The following NUP210 variants were observed in gnomAD, a reference collection of about 807,000 sequenced individuals.
NUP210 encodes the protein nuclear pore membrane glycoprotein 210.
In NUP210, 151 loss-of-function variants were observed where a neutral mutation model predicts 196.0. The observed-to-expected ratio is 0.77, with a 90% CI of 0.67 to 0.88. The LOEUF (loss-of-function observed/expected upper bound fraction) is 0.88, where lower values mean the gene tolerates loss of function less well. Among genes scored for constraint, NUP210 ranks in the 40% least tolerant of loss-of-function variants. The probability of loss-of-function intolerance (pLI) is 0.00; values close to 1 mark genes in which losing one functional copy is unlikely to be tolerated. For missense variants in NUP210, 2,314 were observed against 2,493.7 expected (o/e 0.93, Z 1.53); for synonymous variants, 1,070 against 1,052.7 (o/e 1.02, Z -0.32).
intron 1 of NUP210, among the ~76,000 whole-genome samples, chr3:13,410,440 A>C (rs1700130757): frequency 6.6e-6 from 1 of 151,386 alleles, no homozygotes; most frequent in African/African-American, 2.4e-5. Flanking sequence ...GGCCTCCCAA[A>C]GTGCTGGGAT....
At chr3:13,416,380 T>G (rs1013866300) in intron 1 of NUP210, among the ~76,000 whole-genome samples, 5 of 151,900 alleles carry the variant, frequency 3.3e-5, no homozygotes, top group African/African-American at 9.7e-5. Context: ...CAAAACAGAG[T>G]GTCTCCGCCA....
chr3:13,402,286 C>T lies in NUP210; in HGVS notation c.168-2425G>A, dbSNP rs117886522. 1.3e-3 allele frequency among the ~76,000 whole-genome samples: 193 copies of T among 152,102 alleles called. 2 individuals are homozygous for T. In the East Asian group the frequency reaches 0.031, roughly 25 times the overall value. ...GGGGAAAAGAGAATTCATCATTTCCCACTCCTGCCTTTAAAAACACTGTGG... is the reference window on the plus strand; with the variant it reads ...GGGGAAAAGAGAATTCATCATTTCCTACTCCTGCCTTTAAAAACACTGTGG... On this transcript the variant is annotated intron_variant, in intron 1 of 39. Coordinates refer to ENST00000254508, the MANE Select transcript of NUP210 (RefSeq NM_024923.4).
chr3:13,371,797 C>G, intron 13 of NUP210, 37 bp downstream of exon 13: 3 of 1,558,186 alleles, frequency 1.9e-6, no homozygotes, highest in Non-Finnish European at 2.6e-6. Flanking sequence ...TGGCCCCAAT[C>G]CCAGTATCTG....
intron 4 of NUP210, among the ~76,000 whole-genome samples, chr3:13,389,466 A>G (rs1016374235): frequency 2.0e-5 from 3 of 152,188 alleles, no homozygotes; most frequent in African/African-American, 7.2e-5. Context: ...GCTGAGGCTC[A>G]GGTGGGTAAC....
intron 30 of NUP210, among the ~76,000 whole-genome samples, chr3:13,329,465 C>T (rs1026438714): frequency 6.6e-5 from 10 of 152,208 alleles, no homozygotes; most frequent in Non-Finnish European, 1.2e-4. Context: ...TCTATCCTCG[C>T]TCAAAAGCTA....
rs1470994518 is a variant in NUP210, at chr3:13,350,818, G to C, written c.2835+1061C>G. Among the ~76,000 whole-genome samples, 1 of 149,570 alleles carries C rather than the reference G, an allele frequency of 6.7e-6. No homozygotes were observed. The highest frequency in any genetic ancestry group is 2.0e-4 in the East Asian group (1 of 5,090). The stretch of plus-strand genomic sequence containing the variant: ...ACGCCATCTCCTGCCTCAGCCTCCC[G>C]AGTAGCTGGGAATACAGGCGCCCGC... On this transcript the variant is annotated intron_variant, in intron 20 of 39. Coordinates refer to ENST00000254508, the MANE Select transcript of NUP210 (RefSeq NM_024923.4). This position sits in a 1 kb window ranked among gnomAD's most constrained non-coding sequence, Gnocchi z 4.1.
In NUP210 at chr3:13,394,411, G is replaced by A. The variant is rs375836837; in HGVS notation, c.436+2946C>T. On this transcript the variant is annotated intron_variant, in intron 3 of 39. Coordinates refer to ENST00000254508, the MANE Select transcript of NUP210 (RefSeq NM_024923.4). ...ATGTGCAACAGACAGAGCCCTGTCT[G>A]GAGGCGGGCACTCTGCAGGTGGCTT... Among the ~76,000 whole-genome samples the A allele has an allele frequency of 2.8e-4, 42 of 152,370 alleles. 4 individuals are homozygous for A. The highest frequency in any genetic ancestry group is 2.3e-3 in the South Asian group (11 of 4,834).
At chr3:13,366,970 CA>C (rs1176737788) in intron 13 of NUP210, among the ~76,000 whole-genome samples, 1 of 144,544 alleles carries the variant, frequency 6.9e-6, no homozygotes, top group African/African-American at 2.6e-5. Flanking sequence ...ACTAAAAATA[CA>C]AAAAATTAGC....
chr3:13,403,031 A>C (rs543931600), intron 1 of NUP210, among the ~76,000 whole-genome samples: 60 of 152,300 alleles, frequency 3.9e-4, no homozygotes, highest in Non-Finnish European at 7.6e-4. Context: ...CACTGCCCTA[A>C]AAGTCCCCTG....
chr3:13,375,962 G>T (rs1296745266), intron 10 of NUP210, among the ~76,000 whole-genome samples: 1 of 152,226 alleles, frequency 6.6e-6, no homozygotes, highest in Non-Finnish European at 1.5e-5. Context: ...GAGCTGAGGA[G>T]GCCGACTCTG....
chr3:13,418,850 G>A (rs1006771339), intron 1 of NUP210, among the ~76,000 whole-genome samples: 5 of 150,052 alleles, frequency 3.3e-5, no homozygotes, highest in Admixed American at 6.7e-5. Context: ...TCCCAGCTAC[G>A]AGGCGGGAGA....
At chr3:13,335,683 A>G in intron 27 of NUP210, 71 bp from the exon 28 acceptor site, 2 of 1,547,026 alleles carry the variant, frequency 1.3e-6, no homozygotes. Context: ...GCAGAGCCGG[A>G]CAGTAGCCCC....
In NUP210 at chr3:13,391,217, G is replaced by A. The variant is rs780331826; in HGVS notation, c.527C>T (p.Ala176Val). ...EADRFSDSHN[A>V]LRILTFLEST... is the part of the protein sequence containing the mutation. ...TAGCAGAGGCACCCCTTACCGCAGC[G>A]CATTGTGGGAGTCTGAGAACCTGTC... Residue 176 changes from alanine to valine, a missense_variant, in exon 4 of 40, where the codon GCG becomes GTG. Physicochemically the swap from Ala to Val is moderately conservative, Grantham distance 64. Transcript: ENST00000254508. 8.7e-6 allele frequency: 14 copies of A among 1,610,666 alleles called. No individual in the cohort carries two copies. The highest frequency in any genetic ancestry group is 2.2e-5 in the East Asian group (1 of 44,754).
At chr3:13,354,363 GAGGCATT>G (rs1698094468) in intron 16 of NUP210, 1 of 517,040 alleles carries the variant, frequency 1.9e-6, no homozygotes, top group Non-Finnish European at 3.5e-6. Flanking sequence ...AGCAACACTG[GAGGCATT>G]TCTGGCTGTC....
chr3:13,331,117 G>A (rs1039971793), intron 29 of NUP210, among the ~76,000 whole-genome samples: 2 of 152,020 alleles, frequency 1.3e-5, no homozygotes, highest in African/African-American at 4.8e-5. Context: ...CTCTTCTCTC[G>A]GCGTTGACTT....
At chr3:13,388,846 C>T (rs1055684456) in intron 4 of NUP210, among the ~76,000 whole-genome samples, 13 of 152,240 alleles carry the variant, frequency 8.5e-5, no homozygotes, top group Non-Finnish European at 1.3e-4. Flanking sequence ...GCCAGCAGCA[C>T]CCTCACCTCC....
rs1312223192 is a variant in NUP210 at position 13,366,041 on chromosome 3, C to T, written c.1837G>A (p.Glu613Lys). ...AGAAGCGTGGTAGAGCCCTGGGCCTCGGCCTTTACCCGGATGCCGCTGCAG... is the reference window on the plus strand; with the variant it reads ...AGAAGCGTGGTAGAGCCCTGGGCCTTGGCCTTTACCCGGATGCCGCTGCAG... ...EHCSGIRVKA[E>K]AQGSTTLLVS... Residue 613 changes from glutamate to lysine, a missense_variant, in exon 14 of 40, where the codon GAG becomes AAG. Transcript: ENST00000254508. The T allele has an allele frequency of 3.7e-6, 6 of 1,614,070 alleles. No homozygotes were observed. Among genetic ancestry groups the T allele is most frequent in the Non-Finnish European group, 4.2e-6 (5 of 1,180,024 alleles).
intron 14 of NUP210, among the ~76,000 whole-genome samples, chr3:13,360,763 A>G (rs1190104361): frequency 1.3e-5 from 2 of 152,212 alleles, no homozygotes; most frequent in African/African-American, 2.4e-5. Flanking sequence ...ACAATCTGGT[A>G]AAAGCCTTGA....
chr3:13,345,672 A>G (rs942531191), intron 20 of NUP210, among the ~76,000 whole-genome samples: 1 of 152,234 alleles, frequency 6.6e-6, no homozygotes, highest in African/African-American at 2.4e-5. Flanking sequence ...AAGATCCCGG[A>G]GTGGACATCA....
Sources: allele counts gnomAD v4.1 joint callset (sites outside exome capture counted in the v4.1 genomes callset), GRCh38; gene constraint gnomAD v4.1.1; non-coding constraint Gnocchi (gnomAD v3.1); transcripts MANE v1.5; gene names NCBI Gene and HGNC (gene_info 2026-07-23, HGNC 2026-07-21).